PARD3: variants seen among roughly 807,000 people sequenced by gnomAD.
PARD3 encodes partitioning defective 3 homolog.
Under a neutral mutation model 155.4 loss-of-function variants are expected in PARD3, and 75 were observed. That is an observed-to-expected ratio of 0.48 (90% CI 0.40 to 0.58). The LOEUF (loss-of-function observed/expected upper bound fraction) is 0.58. Among genes scored for constraint, PARD3 ranks in the 20% least tolerant of loss-of-function variants. PARD3 has a pLI of 0.00. For synonymous variants in PARD3, 576 were observed against 610.5 expected (o/e 0.94, Z 0.83); for missense variants, 1,642 against 1,721.7 (o/e 0.95, Z 0.82).
chr10:34,291,691 C>A (rs1202669204), intron 20 of PARD3, among the ~76,000 whole-genome samples: 1 of 152,134 alleles, frequency 6.6e-6, no homozygotes, highest in Admixed American at 6.5e-5. Context: ...GCTTTAGGAA[C>A]CAAAGACAGT....
chr10:34,194,069 A>G (rs1178081233), intron 22 of PARD3, among the ~76,000 whole-genome samples: 1 of 152,000 alleles, frequency 6.6e-6, no homozygotes, highest in East Asian at 1.9e-4. Context: ...CATGGCAGGG[A>G]GCTCCCCCAC....
intron 20 of PARD3, among the ~76,000 whole-genome samples, chr10:34,313,244 A>G (rs760650262): frequency 6.6e-5 from 10 of 152,234 alleles, no homozygotes; most frequent in Non-Finnish European, 1.5e-4. Flanking sequence ...TGCAATCTGC[A>G]CACAGAATGA....
At chr10:34,344,889 C>T (rs951221688) in intron 15 of PARD3, 1 of 985,390 alleles carries the variant, frequency 1.0e-6, no homozygotes, top group African/African-American at 1.7e-5. Context: ...TGTGCAACTT[C>T]TGTCAAGTTA....
chr10:34,275,157 A>T (rs1955815038), intron 21 of PARD3, among the ~76,000 whole-genome samples: 1 of 152,206 alleles, frequency 6.6e-6, no homozygotes, highest in African/African-American at 2.4e-5. Context: ...CCCCATCTGT[A>T]GTACCTTCCA....
At chr10:34,650,565 A>C (rs1382757519) in intron 2 of PARD3, among the ~76,000 whole-genome samples, 5 of 152,192 alleles carry the variant, frequency 3.3e-5, no homozygotes, top group Non-Finnish European at 7.3e-5. Context: ...AAGTTGCTTC[A>C]ATGATTACAG....
At chr10:34,639,666 C>T (rs1156427033) in intron 2 of PARD3, among the ~76,000 whole-genome samples, 3 of 152,090 alleles carry the variant, frequency 2.0e-5, no homozygotes, top group Admixed American at 6.5e-5. Context: ...AAGACCAGCC[C>T]GGGCAACAGA....
chr10:34,547,230 G>C (rs1051715620), intron 2 of PARD3, among the ~76,000 whole-genome samples: 1 of 152,122 alleles, frequency 6.6e-6, no homozygotes, highest in Non-Finnish European at 1.5e-5. Context: ...ATTTACAAGA[G>C]GAAATACTTA....
chr10:34,301,946 T>G (rs772217436), intron 20 of PARD3, among the ~76,000 whole-genome samples: 2 of 151,852 alleles, frequency 1.3e-5, no homozygotes, highest in Non-Finnish European at 2.9e-5. Context: ...TTACAAAAGC[T>G]GCCTCACAGT....
At chr10:34,155,146 T>C (rs1040397090) in intron 22 of PARD3, among the ~76,000 whole-genome samples, 11 of 152,162 alleles carry the variant, frequency 7.2e-5, no homozygotes, top group African/African-American at 2.7e-4. Flanking sequence ...GAGTGAGGAA[T>C]TGAAGTCAGG....
chr10:34,530,379 C>T (rs1007055083), intron 2 of PARD3, among the ~76,000 whole-genome samples: 4 of 152,180 alleles, frequency 2.6e-5, no homozygotes, highest in African/African-American at 9.7e-5. Flanking sequence ...CAGAACCCTT[C>T]TGTCAGATGG....
chr10:34,541,260 G>GA (rs1164763710), intron 2 of PARD3, among the ~76,000 whole-genome samples: 1 of 152,110 alleles, frequency 6.6e-6, no homozygotes, highest in Non-Finnish European at 1.5e-5. Context: ...ATTTGTATAA[G>GA]AAACACAAAT....
chr10:34,758,321 T>C (rs1430058643), intron 1 of PARD3, among the ~76,000 whole-genome samples: 1 of 152,126 alleles, frequency 6.6e-6, no homozygotes, highest in East Asian at 1.9e-4. Flanking sequence ...TCAAGAAAGG[T>C]AGTATGCTCC....
At chr10:34,669,258 C>T (rs1204469142) in intron 2 of PARD3, among the ~76,000 whole-genome samples, 1 of 152,092 alleles carries the variant, frequency 6.6e-6, no homozygotes, top group East Asian at 1.9e-4. Context: ...GGTATACAGA[C>T]ACAATAGAAT....
intron 22 of PARD3, among the ~76,000 whole-genome samples, chr10:34,206,593 G>A (rs1233510095): frequency 6.6e-6 from 1 of 152,236 alleles, no homozygotes; most frequent in African/African-American, 2.4e-5. Context: ...GACTGCTCCT[G>A]CAGAGCAGAG....
At chr10:34,277,305 CAGACT>C (rs1955934799) in intron 21 of PARD3, among the ~76,000 whole-genome samples, 1 of 152,118 alleles carries the variant, frequency 6.6e-6, no homozygotes, top group South Asian at 2.1e-4. Context: ...CAGCAGATGG[CAGACT>C]TCAAAAATAC....
chr10:34,648,675 T>C (rs981882788), intron 2 of PARD3, among the ~76,000 whole-genome samples: 6 of 152,224 alleles, frequency 3.9e-5, no homozygotes, highest in Admixed American at 2.0e-4. Context: ...CTCCCTCCCC[T>C]GCTGCTCACC....
chr10:34,695,830 G>A (rs1469429422), intron 2 of PARD3, among the ~76,000 whole-genome samples: 3 of 151,762 alleles, frequency 2.0e-5, no homozygotes, highest in Non-Finnish European at 4.4e-5. Context: ...TGAGGGCCAG[G>A]CCCTGCACAG....
At chr10:34,766,341 C>G (rs1838083532) in intron 1 of PARD3, among the ~76,000 whole-genome samples, 1 of 152,128 alleles carries the variant, frequency 6.6e-6, no homozygotes, top group Non-Finnish European at 1.5e-5. Context: ...GGTACAAGAG[C>G]AGATTTAAAA....
chr10:34,162,216 G>C (rs758638768), intron 22 of PARD3, among the ~76,000 whole-genome samples: 4 of 152,112 alleles, frequency 2.6e-5, no homozygotes, highest in Non-Finnish European at 5.9e-5. Flanking sequence ...ATGCACACTG[G>C]GGGGAAGGGG....
Sources: allele counts gnomAD v4.1 joint callset (sites outside exome capture counted in the v4.1 genomes callset), GRCh38; gene constraint gnomAD v4.1.1; transcripts MANE v1.5; gene names NCBI Gene and HGNC (gene_info 2026-07-23, HGNC 2026-07-21).